The following DLG2 variants were observed in gnomAD, a reference collection of about 807,000 sequenced individuals.
The protein encoded by DLG2 is disks large homolog 2.
In DLG2, 45 loss-of-function variants were observed where a neutral mutation model predicts 132.5. The ratio of observed to expected loss-of-function variants is 0.34; its 90% CI spans 0.27 to 0.44. The LOEUF is 0.44. Among genes scored for constraint, DLG2 ranks in the 20% least tolerant of loss-of-function variants. The pLI is 1.00. For missense variants in DLG2, 1,045 were observed against 1,196.9 expected, an observed-to-expected ratio of 0.87 and a Z score of 1.87; for synonymous variants, 424 against 419.6, an observed-to-expected ratio of 1.01 and a Z score of -0.13.
rs532575611 is a variant in DLG2, at chr11:85,560,604, G to A, written c.40+38053C>T. ...AGTGAGGATCTTTTTATGATGATGG[G>A]AATGCTCTAAAACCAGATTGTGGTG... On this transcript the variant is annotated intron_variant, in intron 3 of 27. Transcript: ENST00000376104. Among the ~76,000 whole-genome samples the A allele has an allele frequency of 1.8e-4, 28 of 151,970 alleles. No homozygotes were observed. The South Asian group carries it at 5.2e-3, about 28-fold the overall frequency.
intron 18 of DLG2, among the ~76,000 whole-genome samples, chr11:83,639,460 A>T (rs1178517079): frequency 6.6e-6 from 1 of 152,102 alleles, no homozygotes; most frequent in Non-Finnish European, 1.5e-5. Flanking sequence ...CTTTGCAGGG[A>T]CATGGATGAA....
intron 7 of DLG2, among the ~76,000 whole-genome samples, chr11:84,292,126 T>C (rs1011261453): frequency 2.0e-5 from 3 of 152,058 alleles, no homozygotes; most frequent in Admixed American, 6.6e-5. Flanking sequence ...TGGGAAAAAG[T>C]AGACCAAGGA....
At chr11:84,282,802 T>A (rs1439613201) in intron 7 of DLG2, among the ~76,000 whole-genome samples, 1 of 152,198 alleles carries the variant, frequency 6.6e-6, no homozygotes, top group Non-Finnish European at 1.5e-5. Context: ...CTGTAAGATC[T>A]TGGTTCAGTC....
intron 3 of DLG2, among the ~76,000 whole-genome samples, chr11:85,464,900 C>A (rs112320546): frequency 8.5e-4 from 128 of 150,996 alleles, no homozygotes; most frequent in African/African-American, 3.0e-3. Flanking sequence ...TGGTGACACC[C>A]CGTCTCTACT....
At chr11:85,562,473 A>G (rs2077309166) in intron 3 of DLG2, among the ~76,000 whole-genome samples, 1 of 151,724 alleles carries the variant, frequency 6.6e-6, no homozygotes, top group Non-Finnish European at 1.5e-5. Context: ...CGAACTCCTT[A>G]AAGTATTAGT....
intron 11 of DLG2, among the ~76,000 whole-genome samples, chr11:83,992,137 C>T (rs774683382): frequency 6.6e-6 from 1 of 152,160 alleles, no homozygotes; most frequent in African/African-American, 2.4e-5. Context: ...TAGAACTAAC[C>T]TGTGCCAGCC....
At chr11:83,704,647 T>A (rs1336290991) in intron 18 of DLG2, among the ~76,000 whole-genome samples, 4 of 135,574 alleles carry the variant, frequency 3.0e-5, no homozygotes, top group Non-Finnish European at 4.7e-5. Flanking sequence ...TGAAACCCCG[T>A]CTCTACTAAA....
intron 6 of DLG2, among the ~76,000 whole-genome samples, chr11:84,889,320 G>T (rs2088905287): frequency 6.6e-6 from 1 of 152,084 alleles, no homozygotes. Flanking sequence ...TAACACTACT[G>T]AGGGCTGTAA....
At chr11:83,594,023 A>G (rs2097240893) in intron 19 of DLG2, among the ~76,000 whole-genome samples, 1 of 152,230 alleles carries the variant, frequency 6.6e-6, no homozygotes, top group African/African-American at 2.4e-5. Flanking sequence ...ATGGGAAGTA[A>G]AAAAATACAA....
At chr11:85,023,903 G>A (rs575222912) in intron 6 of DLG2, among the ~76,000 whole-genome samples, 230 of 152,188 alleles carry the variant, frequency 1.5e-3, no homozygotes, top group African/African-American at 5.2e-3. Flanking sequence ...AGTTTATGGA[G>A]TTTAGATTGG....
chr11:84,499,786 T>C (rs1434065682), intron 7 of DLG2, among the ~76,000 whole-genome samples: 1 of 152,030 alleles, frequency 6.6e-6, no homozygotes, highest in Non-Finnish European at 1.5e-5. Context: ...CACACATGCA[T>C]ATATGCTCAC....
intron 21 of DLG2, among the ~76,000 whole-genome samples, chr11:83,486,923 CTTTA>C (rs2093552068): frequency 6.6e-6 from 1 of 152,008 alleles, no homozygotes; most frequent in Non-Finnish European, 1.5e-5. Flanking sequence ...TAACAGTATT[CTTTA>C]TTTTTTATTA....
intron 15 of DLG2, among the ~76,000 whole-genome samples, chr11:83,897,173 A>G (rs1171090634): frequency 6.6e-6 from 1 of 152,196 alleles, no homozygotes; most frequent in African/African-American, 2.4e-5. Flanking sequence ...TAGCCAGCAG[A>G]GCTAAGTTCA....
intron 4 of DLG2, among the ~76,000 whole-genome samples, chr11:85,205,414 C>G (rs982027542): frequency 1.3e-5 from 2 of 151,742 alleles, no homozygotes; most frequent in Non-Finnish European, 2.9e-5. Flanking sequence ...TGAAGAGAAG[C>G]TGGTAAATAG....
chr11:85,363,083 G>A lies in DLG2; in HGVS notation c.41-77718C>T, dbSNP rs151248542. ...AACAATTAGTGAACAAAAGAGTGTT[G>A]TGATTTCTGGAGCAGTGGGGTTAGG... is the stretch of plus-strand genomic sequence containing the variant. On this transcript the variant is annotated intron_variant, in intron 3 of 27. Transcript: ENST00000376104. Among the ~76,000 whole-genome samples, 5 of 152,302 alleles carry A rather than the reference G, an allele frequency of 3.3e-5. No homozygotes were observed. In the East Asian group the frequency reaches 9.6e-4, roughly 29 times the overall value.
rs116107934 is a variant in DLG2 at position 84,000,976 on chromosome 11, A to G, written c.920-20334T>C. 4.4e-3 allele frequency among the ~76,000 whole-genome samples: 668 copies of G among 152,234 alleles called. 1 individual carries two copies. The highest frequency in any genetic ancestry group is 0.016 in the African/African-American group (645 of 41,576). On this transcript the variant is annotated intron_variant, in intron 11 of 27. Transcript: ENST00000376104. ...AAAGAGAAAGAACTCAAATAGCATC[A>G]TGACAGAAAGCTACCAAACCAAAAT...
intron 6 of DLG2, among the ~76,000 whole-genome samples, chr11:84,932,180 T>G (rs1487626072): frequency 1.3e-5 from 2 of 152,330 alleles, no homozygotes; most frequent in African/African-American, 2.4e-5. Context: ...ATCTTTATAA[T>G]GAAATCTTTG....
Position 84,818,361 on chromosome 11 carries a change from A to AT in DLG2, c.358-283631dup, listed in dbSNP as rs1399297892. Among the ~76,000 whole-genome samples the AT allele has an allele frequency of 5.9e-5, 9 of 152,020 alleles. No homozygotes were observed. In the East Asian group the frequency reaches 1.4e-3, roughly 23 times the overall value. ...GCTATAGGAAACTTTTTTGGTTTAG[A>AT]TTTTTTAAGAAATAAAAACCCTCAA... On this transcript the variant is annotated intron_variant, in intron 6 of 27. Transcript: ENST00000376104.
At chr11:85,361,674 T>C (rs1426195083) in intron 3 of DLG2, among the ~76,000 whole-genome samples, 1 of 152,230 alleles carries the variant, frequency 6.6e-6, no homozygotes, top group Non-Finnish European at 1.5e-5. Flanking sequence ...ATCCACAGCA[T>C]GTGCGTATAT....
Sources: gnomAD v4.1 joint callset for allele counts (sites outside exome capture counted in the v4.1 genomes callset) on GRCh38, gnomAD v4.1.1 for gene constraint, MANE v1.5 for transcripts, NCBI Gene and HGNC (gene_info 2026-07-23, HGNC 2026-07-21) for gene names.